FBXL18: variants seen among roughly 807,000 people sequenced by gnomAD.
FBXL18 encodes F-box/LRR-repeat protein 18.
FBXL18 carries 36 observed loss-of-function variants against 46.0 expected under a neutral mutation model. That is an observed-to-expected ratio of 0.78 (90% confidence interval 0.60 to 1.03). The LOEUF (loss-of-function observed/expected upper bound fraction) is 1.03, where lower values mean the gene tolerates loss of function less well. Ranked by LOEUF, FBXL18 falls within the 50% of genes least tolerant of loss-of-function variation. FBXL18 has a pLI of 0.00. For missense variants in FBXL18, 977 were observed against 1,004.1 expected (o/e 0.97, Z 0.36); for synonymous variants, 557 against 465.3 (o/e 1.20, Z -2.54).
chr7:5,474,301 G>A (rs1182154450), downstream of FBXL18, among the ~76,000 whole-genome samples: 2 of 139,982 alleles, frequency 1.4e-5, no homozygotes, highest in Non-Finnish European at 3.0e-5. Context: ...CCACCGAACT[G>A]TGCAGTTCGT....
chr7:5,472,850 C>T (rs919332354), downstream of FBXL18, among the ~76,000 whole-genome samples: 29 of 152,182 alleles, frequency 1.9e-4, no homozygotes, highest in African/African-American at 6.0e-4. Flanking sequence ...GGACCCTGAA[C>T]TTGGGAGTGC....
chr7:5,469,280 C>T (rs998554297), intron 4 of FBXL18, among the ~76,000 whole-genome samples: 17 of 152,108 alleles, frequency 1.1e-4, no homozygotes, highest in East Asian at 3.9e-4. Flanking sequence ...GGCATGGTGG[C>T]GTGCACCTGT....
At chr7:5,466,798 G>A (rs1187785122) in intron 4 of FBXL18, among the ~76,000 whole-genome samples, 1 of 152,182 alleles carries the variant, frequency 6.6e-6, no homozygotes, top group African/African-American at 2.4e-5. Flanking sequence ...ACTCCTGGGG[G>A]TGACAAAGTT....
chr7:5,510,138 C>A (rs1238595465), intron 1 of FBXL18, among the ~76,000 whole-genome samples: 1 of 151,394 alleles, frequency 6.6e-6, no homozygotes, highest in Non-Finnish European at 1.5e-5. Flanking sequence ...CCCATCTCGA[C>A]TAAAAATACA....
chr7:5,507,146 C>T (rs1343421707), intron 1 of FBXL18, among the ~76,000 whole-genome samples: 3 of 152,186 alleles, frequency 2.0e-5, no homozygotes, highest in Non-Finnish European at 2.9e-5. Context: ...GACCCTCTGG[C>T]TCCAGCCTGC....
intron 2 of FBXL18, among the ~76,000 whole-genome samples, chr7:5,503,400 T>A (rs1267288112): frequency 6.6e-6 from 1 of 152,202 alleles, no homozygotes; most frequent in African/African-American, 2.4e-5. Flanking sequence ...TTGTCCAGGC[T>A]GGAGCACAGT....
intron 1 of FBXL18, among the ~76,000 whole-genome samples, chr7:5,506,301 T>C (rs1784393892): frequency 7.1e-6 from 1 of 140,900 alleles, no homozygotes. Context: ...CAGGGTGGAG[T>C]GCAGTGGCGC....
At chr7:5,490,357 C>A in intron 4 of FBXL18, 1 of 965,280 alleles carries the variant, frequency 1.0e-6, no homozygotes, top group Non-Finnish European at 1.3e-6. Flanking sequence ...CATCGCCTAC[C>A]AAGCTCCAGC....
In FBXL18 at chr7:5,513,776, A is replaced by G. The variant is rs1784604010; in HGVS notation, c.-102T>C. 4 of 1,482,414 alleles carry G rather than the reference A, an allele frequency of 2.7e-6. No individual in the cohort carries two copies. Among genetic ancestry groups the G allele is most frequent in the African/African-American group, 1.4e-5 (1 of 71,372 alleles). 91.8% of individuals were successfully genotyped at this position (1,482,414 alleles called of 1,614,324 possible). A position where few individuals can be genotyped will look rare whatever the true frequency, so the allele number is the denominator to read the frequency against. ...AGCCGGCGCGTCCACCGCTCAACCG[A>G]GACCCCGGCAAGGAGCGGGCTCTCG... On this transcript the variant is annotated 5_prime_UTR_variant, in exon 1 of 5. Coordinates refer to ENST00000382368, the MANE Select transcript of FBXL18 (RefSeq NM_024963.6).
chr7:5,474,480 T>A (rs1783476406), downstream of FBXL18, among the ~76,000 whole-genome samples: 1 of 151,602 alleles, frequency 6.6e-6, no homozygotes, highest in Non-Finnish European at 1.5e-5. Flanking sequence ...CATGCCCGGC[T>A]AATATTTGTA....
intron 4 of FBXL18, among the ~76,000 whole-genome samples, chr7:5,456,525 A>C (rs1783176581): frequency 6.6e-6 from 1 of 152,182 alleles, no homozygotes; most frequent in African/African-American, 2.4e-5. Context: ...GATTCTCTGA[A>C]TCCTGAAGAA....
rs908439218 is a variant in FBXL18 at position 5,496,118 on chromosome 7, G to A, written c.1781+4370C>T. On this transcript the variant is annotated intron_variant, in intron 3 of 4. Transcript: ENST00000382368. The surrounding 1 kb of genome is among the most constrained non-coding windows in gnomAD (Gnocchi z 4.8). ...GAAATCACGCTGACCTCGGGAGGCCGGAGACAAGCAGCCATGTGACCTAGG... is the reference window on the plus strand; with the variant it reads ...GAAATCACGCTGACCTCGGGAGGCCAGAGACAAGCAGCCATGTGACCTAGG... Among the ~76,000 whole-genome samples the A allele has an allele frequency of 6.6e-6, 1 of 152,178 alleles. No homozygotes were observed. Among genetic ancestry groups the A allele is most frequent in the Non-Finnish European group, 1.5e-5 (1 of 68,026 alleles).
chr7:5,466,779 G>C (rs1783346846), intron 4 of FBXL18, among the ~76,000 whole-genome samples: 1 of 152,160 alleles, frequency 6.6e-6, no homozygotes, highest in African/African-American at 2.4e-5. Flanking sequence ...AGGGAGGCAG[G>C]AGCCCGGGAC....
chr7:5,480,546 ATATTTTTTTTTTTTTTTTTT>A lies in FBXL18; in HGVS notation c.*1209_*1228del, dbSNP rs1356423823. 5.4e-5 allele frequency: 3 copies of A among 55,414 alleles called. No individual in the cohort carries two copies. The highest frequency in any genetic ancestry group is 1.5e-4 in the African/African-American group (2 of 13,300). 3.4% of individuals were successfully genotyped at this position (55,414 alleles called of 1,614,324 possible). A position where few individuals can be genotyped will look rare whatever the true frequency, so the allele number is the denominator to read the frequency against. ...GTGTTGAATATATATATATATATAT[ATATTTTTTTTTTTTTTTTTT>A]TTTTTTTTTTTTTTTGAGGCGGAGT... On this transcript the variant is annotated 3_prime_UTR_variant, in exon 5 of 5. Transcript: ENST00000382368.
At chr7:5,489,984 AT>A (rs1403774412) in intron 4 of FBXL18, 3 of 1,283,848 alleles carry the variant, frequency 2.3e-6, no homozygotes, top group Non-Finnish European at 3.1e-6. Flanking sequence ...CATAGTCTAA[AT>A]TTTTAAAAAG....
rs1422708862 is a variant in FBXL18 at position 5,501,206 on chromosome 7, G to C, written c.1063C>G (p.His355Asp). Reference sequence around the variant, plus strand: ...AGCAGCGAGTCTGGGGACAGGCAGTGGACGCAGCCGCTGAGGTTCAAGCTG... The same window carrying C: ...AGCAGCGAGTCTGGGGACAGGCAGTCGACGCAGCCGCTGAGGTTCAAGCTG... ...LASLNLSGCVHCLSPDSLLRK... is the reference protein window; with the variant it reads ...LASLNLSGCVDCLSPDSLLRK... The change falls in exon 3 of 5, where the codon CAC (histidine) becomes GAC (aspartate). Residue 355 changes from histidine (H) to aspartate (D), a missense_variant. Physicochemically the swap from His to Asp is moderately conservative, Grantham distance 81 (BLOSUM62 -1). Transcript: ENST00000382368. The C allele has an allele frequency of 6.2e-7, 1 of 1,613,222 alleles. No homozygotes were observed. Among genetic ancestry groups the C allele is most frequent in the Non-Finnish European group, 8.5e-7 (1 of 1,179,682 alleles).
At chr7:5,493,244 A>T (rs1301594743) in intron 3 of FBXL18, among the ~76,000 whole-genome samples, 1 of 152,128 alleles carries the variant, frequency 6.6e-6, no homozygotes, top group Non-Finnish European at 1.5e-5. Flanking sequence ...CTGAGGTGGG[A>T]GGATCGCTTG....
downstream of FBXL18, among the ~76,000 whole-genome samples, chr7:5,472,604 A>G (rs1783445101): frequency 6.6e-6 from 1 of 151,990 alleles, no homozygotes; most frequent in Non-Finnish European, 1.5e-5. Context: ...TCTCATGGAG[A>G]GGCCACACGA....
chr7:5,504,785 G>A (rs1379610438), intron 2 of FBXL18, among the ~76,000 whole-genome samples: 21 of 149,134 alleles, frequency 1.4e-4, no homozygotes, highest in Admixed American at 5.3e-4. Context: ...GCGTGGTGGC[G>A]GGCGCCTGTA....
Sources: gnomAD v4.1 joint callset for allele counts (sites outside exome capture counted in the v4.1 genomes callset) on GRCh38, gnomAD v4.1.1 for gene constraint, Gnocchi (gnomAD v3.1) non-coding constraint, MANE v1.5 for transcripts, NCBI Gene and HGNC (gene_info 2026-07-23, HGNC 2026-07-21) for gene names.